MSR1: variants seen among roughly 807,000 people sequenced by gnomAD.
The protein encoded by MSR1 is macrophage scavenger receptor types I and II.
Under a neutral mutation model 47.2 loss-of-function variants are expected in MSR1, and 53 were observed. The ratio of observed to expected loss-of-function variants is 1.12; its 90% CI spans 0.90 to 1.41. The LOEUF (loss-of-function observed/expected upper bound fraction) is 1.41, where lower values mean the gene tolerates loss of function less well. MSR1 is among the 40% of genes most tolerant of loss of function. The pLI is 0.00. For synonymous variants in MSR1, 239 were observed against 185.6 expected, an observed-to-expected ratio of 1.29 and a Z score of -2.34; for missense variants, 786 against 546.9, an observed-to-expected ratio of 1.44 and a Z score of -4.36.
intron 9 of MSR1, among the ~76,000 whole-genome samples, chr8:16,113,142 G>T (rs751857440): frequency 1.3e-5 from 2 of 151,506 alleles, no homozygotes; most frequent in African/African-American, 2.4e-5. Flanking sequence ...TAGAGACGGG[G>T]TTTCACCATG....
Position 16,143,553 on chromosome 8 carries a change from C to T in MSR1, c.1033+5G>A, listed in dbSNP as rs767998858. Reference sequence around the variant, plus strand: ...CACACAGAAAACAAAATACTATATACTTACTTAATGTGTTTCCACTCCCCT... The same window carrying T: ...CACACAGAAAACAAAATACTATATATTTACTTAATGTGTTTCCACTCCCCT... On this transcript the variant is annotated splice_donor_5th_base_variant and intron_variant, in intron 8 of 9. Transcript: ENST00000262101. 2 of 1,610,810 alleles carry T rather than the reference C, an allele frequency of 1.2e-6. No individual in the cohort carries two copies. Among genetic ancestry groups the T allele is most frequent in the Non-Finnish European group, 1.7e-6 (2 of 1,177,428 alleles).
chr8:16,141,236 T>C lies in MSR1; in HGVS notation c.1033+2322A>G. On this transcript the variant is annotated intron_variant, in intron 8 of 9. Coordinates refer to ENST00000262101, the MANE Select transcript of MSR1 (RefSeq NM_138715.3). ...AGCTTTTAGCAGCCATTTACAATAA[T>C]TCATCAAATGGTAAAATGTATGTAA... The C allele has an allele frequency of 3.2e-6, 2 of 631,868 alleles. 1 individual carries two copies. The highest frequency in any genetic ancestry group is 4.0e-5 in the South Asian group (2 of 49,558). The allele number at this position is 631,868 out of a possible 1,614,324, so 39.1% of individuals were successfully genotyped here.
At chr8:16,171,741 T>G (rs1265858163) in intron 3 of MSR1, among the ~76,000 whole-genome samples, 1 of 152,232 alleles carries the variant, frequency 6.6e-6, no homozygotes, top group Non-Finnish European at 1.5e-5. Context: ...GTTGTCCTTT[T>G]TTGATTATTA....
In MSR1 at chr8:16,167,647, C is replaced by T. The variant is rs189630947; in HGVS notation, c.630+811G>A. ...TATCCTTCTTCTTCCATCTCATCCACCTTCCCTCTGTCCTTACCTCATCTC... is the reference window on the plus strand; with the variant it reads ...TATCCTTCTTCTTCCATCTCATCCATCTTCCCTCTGTCCTTACCTCATCTC... On this transcript the variant is annotated intron_variant, in intron 4 of 9. Transcript: ENST00000262101. Among the ~76,000 whole-genome samples, 3 of 152,310 alleles carry T rather than the reference C, an allele frequency of 2.0e-5. No individual in the cohort carries two copies. In the East Asian group the frequency reaches 5.8e-4, roughly 29 times the overall value.
intron 8 of MSR1, among the ~76,000 whole-genome samples, chr8:16,138,527 A>G (rs1352897659): frequency 1.3e-5 from 2 of 152,186 alleles, no homozygotes; most frequent in Admixed American, 1.3e-4. Context: ...AAAAGTTTGG[A>G]TTAGTTTTTC....
Position 16,166,584 on chromosome 8 carries a change from A to T in MSR1, c.630+1874T>A, listed in dbSNP as rs193083160. Among the ~76,000 whole-genome samples, 21 of 152,126 alleles carry T rather than the reference A, an allele frequency of 1.4e-4. No individual in the cohort carries two copies. In the East Asian group the frequency reaches 3.9e-3, roughly 28 times the overall value. On this transcript the variant is annotated intron_variant, in intron 4 of 9. Transcript: ENST00000262101. ...TGTATTTAATTTCAAAAAATCCTAT[A>T]TAGCATCCACACACTCCCTCCACAT... is the stretch of plus-strand genomic sequence containing the variant.
At chr8:16,161,424 TCTAA>T (rs1371224557) in intron 5 of MSR1, among the ~76,000 whole-genome samples, 1 of 151,986 alleles carries the variant, frequency 6.6e-6, no homozygotes, top group Non-Finnish European at 1.5e-5. Context: ...AGTGGAGGTA[TCTAA>T]CTGTTAGAGA....
intron 1 of MSR1, among the ~76,000 whole-genome samples, chr8:16,190,024 C>A (rs1202075709): frequency 6.7e-6 from 1 of 148,744 alleles, no homozygotes; most frequent in Non-Finnish European, 1.5e-5. Flanking sequence ...ACGTGATTCT[C>A]CTGCCTCAGC....
intron 4 of MSR1, 44 bp downstream of exon 4, chr8:16,168,414 G>T: frequency 6.2e-7 from 1 of 1,605,368 alleles, no homozygotes; most frequent in Non-Finnish European, 8.5e-7. Context: ...AGACTTGGAT[G>T]GATTCAGTTC....
At chr8:16,184,378 C>A (rs993884277) in intron 1 of MSR1, among the ~76,000 whole-genome samples, 1 of 151,892 alleles carries the variant, frequency 6.6e-6, no homozygotes, top group Non-Finnish European at 1.5e-5. Flanking sequence ...TTCTTGAGTA[C>A]CTTCGAGAGT....
chr8:16,138,822 G>C (rs1432638850), intron 8 of MSR1, among the ~76,000 whole-genome samples: 2 of 152,192 alleles, frequency 1.3e-5, no homozygotes, highest in Non-Finnish European at 2.9e-5. Flanking sequence ...ATCTGAACAA[G>C]TGGCTAATTC....
intron 4 of MSR1, among the ~76,000 whole-genome samples, chr8:16,165,750 C>A (rs1224584600): frequency 3.3e-5 from 5 of 151,996 alleles, no homozygotes; most frequent in African/African-American, 7.2e-5. Context: ...GAGTGTAGGA[C>A]CTTCGAAAAT....
chr8:16,117,978 C>T (rs1799915912), intron 9 of MSR1, among the ~76,000 whole-genome samples: 1 of 152,168 alleles, frequency 6.6e-6, no homozygotes, highest in Non-Finnish European at 1.5e-5. Context: ...GAAAAATTGT[C>T]TTCCACAAAA....
intron 9 of MSR1, among the ~76,000 whole-genome samples, chr8:16,111,851 T>C (rs993849606): frequency 6.6e-6 from 1 of 152,198 alleles, no homozygotes; most frequent in Non-Finnish European, 1.5e-5. Flanking sequence ...TAAGGAACTG[T>C]ACGTGCTCAA....
At chr8:16,161,274 A>C (rs1801155871) in intron 5 of MSR1, among the ~76,000 whole-genome samples, 1 of 151,968 alleles carries the variant, frequency 6.6e-6, no homozygotes, top group Admixed American at 6.6e-5. Context: ...TCAGGCAGTG[A>C]GCAGGTAGTT....
intron 9 of MSR1, among the ~76,000 whole-genome samples, chr8:16,118,872 T>A (rs1585134386): frequency 6.6e-6 from 1 of 152,162 alleles, no homozygotes; most frequent in Admixed American, 6.6e-5. Context: ...ATCTAGCTGT[T>A]GACCTTGAGA....
rs752948497 is a variant in MSR1, at chr8:16,120,507, C to G, written c.1133G>C (p.Arg378Pro). Residue 378 changes from arginine to proline, a missense_variant, in exon 9 of 10, where the codon CGC becomes CCC. Coordinates refer to ENST00000262101, the MANE Select transcript of MSR1 (RefSeq NM_138715.3). ...GACCTGTCCAACGCGCACTTCCCAGCGATCGTCACAAATTGTACCCCACTG... is the reference window on the plus strand; with the variant it reads ...GACCTGTCCAACGCGCACTTCCCAGGGATCGTCACAAATTGTACCCCACTG... ...SGQWGTICDD[R>P]WEVRVGQVVC... The G allele has an allele frequency of 6.2e-7, 1 of 1,613,718 alleles. No individual in the cohort carries two copies. Among genetic ancestry groups the G allele is most frequent in the South Asian group, 1.1e-5 (1 of 91,068 alleles).
intron 8 of MSR1, among the ~76,000 whole-genome samples, chr8:16,138,214 A>G (rs1487135035): frequency 6.6e-6 from 1 of 152,184 alleles, no homozygotes; most frequent in Non-Finnish European, 1.5e-5. Flanking sequence ...TGAGCAAAGA[A>G]TGATGAGAAA....
chr8:16,125,818 G>C (rs1051831423), intron 8 of MSR1, among the ~76,000 whole-genome samples: 1 of 152,030 alleles, frequency 6.6e-6, no homozygotes, highest in African/African-American at 2.4e-5. Context: ...CCAGATTGAA[G>C]TGCTGTGGTG....
Sources: allele counts gnomAD v4.1 joint callset (sites outside exome capture counted in the v4.1 genomes callset), GRCh38; gene constraint gnomAD v4.1.1; transcripts MANE v1.5; gene names NCBI Gene and HGNC (gene_info 2026-07-23, HGNC 2026-07-21).